The following ADHFE1 variants were observed in gnomAD, a reference collection of about 807,000 sequenced individuals.
ADHFE1 encodes alcohol dehydrogenase iron containing 1.
ADHFE1 carries 37 observed loss-of-function variants against 54.8 expected under a neutral mutation model. The ratio of observed to expected loss-of-function variants is 0.68; its 90% CI spans 0.52 to 0.89. ADHFE1 has a LOEUF of 0.89. Ranked by LOEUF, ADHFE1 falls within the 40% of genes least tolerant of loss-of-function variation. The probability of loss-of-function intolerance (pLI) is 0.00; values close to 1 mark genes in which losing one functional copy is unlikely to be tolerated. For synonymous variants in ADHFE1, 203 were observed against 229.3 expected, an observed-to-expected ratio of 0.89 and a Z score of 1.04; for missense variants, 601 against 591.2, an observed-to-expected ratio of 1.02 and a Z score of -0.17.
chr8:66,455,165 G>A (rs754857254), intron 10 of ADHFE1, among the ~76,000 whole-genome samples: 1 of 152,212 alleles, frequency 6.6e-6, no homozygotes, highest in Non-Finnish European at 1.5e-5. Flanking sequence ...GAATTGCTGG[G>A]TCATATGGTA....
Position 66,439,558 on chromosome 8 carries a change from G to A in ADHFE1, c.60-604G>A. 1.0e-6 allele frequency: 1 copy of A among 985,976 alleles called. No homozygotes were observed. Among genetic ancestry groups the A allele is most frequent in the Admixed American group, 6.1e-5 (1 of 16,290 alleles). The allele number at this position is 985,976 out of a possible 1,614,324, so 61.1% of individuals were successfully genotyped here. A position where few individuals can be genotyped will look rare whatever the true frequency, so the allele number is the denominator to read the frequency against. On this transcript the variant is annotated intron_variant, in intron 1 of 13. Transcript: ENST00000396623. This position sits in a 1 kb window ranked among gnomAD's most constrained non-coding sequence, Gnocchi z 4.4. ...CGCACCGGGTGTGCGCGCAGCTGGG[G>A]CCTCTGGGGAGCGGCGCGGCGGGGA... is the stretch of plus-strand genomic sequence containing the variant.
chr8:66,432,839 C>G (rs1298105833), intron 1 of ADHFE1: 1 of 1,221,518 alleles, frequency 8.2e-7, no homozygotes, highest in Admixed American at 4.3e-5. Flanking sequence ...GGACCTGGTC[C>G]CACATCGTAG....
Position 66,439,121 on chromosome 8 carries a change from C to G in ADHFE1, c.60-1041C>G. 1 of 927,238 alleles carries G rather than the reference C, an allele frequency of 1.1e-6. No homozygotes were observed. Among genetic ancestry groups the G allele is most frequent in the Non-Finnish European group, 1.3e-6 (1 of 776,922 alleles). The allele number at this position is 927,238 out of a possible 1,614,324, so 57.4% of individuals were successfully genotyped here. A position where few individuals can be genotyped will look rare whatever the true frequency, so the allele number is the denominator to read the frequency against. ...CAGCCGCGACTCGCGCCAGCTCTCA[C>G]TCGCCCCCGCGTCTGCTTTGACTTC... On this transcript the variant is annotated intron_variant, in intron 1 of 13. Coordinates refer to ENST00000396623, the MANE Select transcript of ADHFE1 (RefSeq NM_144650.3). This position sits in a 1 kb window ranked among gnomAD's most constrained non-coding sequence, Gnocchi z 4.4.
chr8:66,440,067 C>A, intron 1 of ADHFE1, 95 bp from the exon 2 acceptor site: 1 of 1,178,466 alleles, frequency 8.5e-7, no homozygotes, highest in Non-Finnish European at 1.2e-6. Flanking sequence ...AGCATCTTAG[C>A]ACTAGACTGC....
At chr8:66,460,698 A>G (rs1340656442) in intron 13 of ADHFE1, among the ~76,000 whole-genome samples, 2 of 152,344 alleles carry the variant, frequency 1.3e-5, no homozygotes, top group East Asian at 3.9e-4. Flanking sequence ...GAAAATTTTC[A>G]TGAAGGGATG....
chr8:66,460,380 T>C lies in ADHFE1; in HGVS notation c.1235T>C (p.Phe412Ser). The C allele has an allele frequency of 1.9e-6, 3 of 1,614,162 alleles. No homozygotes were observed. Among genetic ancestry groups the C allele is most frequent in the Non-Finnish European group, 2.5e-6 (3 of 1,180,004 alleles). ...GCAGACACGCTCCGGAAATTCTTAT[T>C]CGATCTGGATGTTGATGATGGCCTA... ...VLADTLRKFL[F>S]DLDVDDGLAA... is the part of the protein sequence containing the mutation. The change falls in exon 13 of 14, where the codon TTC becomes TCC. Residue 412 changes from phenylalanine (F) to serine (S), a missense_variant. Coordinates refer to ENST00000396623, the MANE Select transcript of ADHFE1 (RefSeq NM_144650.3).
intron 5 of ADHFE1, 42 bp from the exon 6 acceptor site, chr8:66,445,176 T>G: frequency 6.5e-7 from 1 of 1,528,794 alleles, no homozygotes; most frequent in East Asian, 2.3e-5. Context: ...AATTTATTTC[T>G]GAAAAATATA....
At chr8:66,452,521 G>A (rs753980782) in intron 9 of ADHFE1, among the ~76,000 whole-genome samples, 7 of 152,188 alleles carry the variant, frequency 4.6e-5, no homozygotes, top group Non-Finnish European at 8.8e-5. Flanking sequence ...GGGCACAATG[G>A]CTCACACCAG....
chr8:66,443,204 T>C (rs1805847250), intron 3 of ADHFE1, among the ~76,000 whole-genome samples: 1 of 151,280 alleles, frequency 6.6e-6, no homozygotes, highest in African/African-American at 2.4e-5. Flanking sequence ...TTTATCACAC[T>C]GTAATTACAT....
At position 66,441,682 on chromosome 8, in the gene ADHFE1, C is replaced by T. The variant is rs1312692860; in HGVS notation, c.98-1116C>T. Among the ~76,000 whole-genome samples, 3 of 152,178 alleles carry T rather than the reference C, an allele frequency of 2.0e-5. No homozygotes were observed. The South Asian group carries it at 6.2e-4, about 32-fold the overall frequency. ...ACCATAATTAAAACCTAATCCTTTG[C>T]AAGGAAATAGCACCTTATAAAAATG... On this transcript the variant is annotated intron_variant, in intron 2 of 13. Coordinates refer to ENST00000396623, the MANE Select transcript of ADHFE1 (RefSeq NM_144650.3).
chr8:66,462,619 G>C (rs1485412224), intron 13 of ADHFE1, among the ~76,000 whole-genome samples: 1 of 152,214 alleles, frequency 6.6e-6, no homozygotes, highest in African/African-American at 2.4e-5. Context: ...CACCCTGCAA[G>C]GGGCCTTCCA....
intron 9 of ADHFE1, among the ~76,000 whole-genome samples, chr8:66,453,353 GA>G (rs1386367074): frequency 2.6e-5 from 4 of 152,164 alleles, no homozygotes; most frequent in Non-Finnish European, 5.9e-5. Flanking sequence ...TTCACCACAG[GA>G]ACTCTTACGC....
Position 66,439,218 on chromosome 8 carries a change from C to T in ADHFE1, c.60-944C>T, listed in dbSNP as rs1805622183. On this transcript the variant is annotated intron_variant, in intron 1 of 13. Coordinates refer to ENST00000396623, the MANE Select transcript of ADHFE1 (RefSeq NM_144650.3). This position sits in a 1 kb window ranked among gnomAD's most constrained non-coding sequence, Gnocchi z 4.4. ...TTCCTTCCTCCCCAACCTTCCCCCTCGGGTGTTTTAATTCCAGATTTGAAT... is the reference window on the plus strand; with the variant it reads ...TTCCTTCCTCCCCAACCTTCCCCCTTGGGTGTTTTAATTCCAGATTTGAAT... 1.0e-6 allele frequency: 1 copy of T among 985,482 alleles called. No individual in the cohort carries two copies. The highest frequency in any genetic ancestry group is 4.7e-5 in the South Asian group (1 of 21,272). The allele number at this position is 985,482 out of a possible 1,614,324, so 61.0% of individuals were successfully genotyped here.
At chr8:66,453,854 C>G in intron 9 of ADHFE1, 2 of 1,506,222 alleles carry the variant, frequency 1.3e-6, no homozygotes, top group Non-Finnish European at 1.8e-6. Flanking sequence ...TTTATTATGC[C>G]TTTGCTGAAA....
Position 66,468,480 on chromosome 8 carries a change from A to C in ADHFE1, c.*128A>C. 1.6e-6 allele frequency: 1 copy of C among 644,420 alleles called. No individual in the cohort carries two copies. Among genetic ancestry groups the C allele is most frequent in the Non-Finnish European group, 2.4e-6 (1 of 410,086 alleles). The allele number at this position is 644,420 out of a possible 1,614,324, so 39.9% of individuals were successfully genotyped here. A position where few individuals can be genotyped will look rare whatever the true frequency, so the allele number is the denominator to read the frequency against. ...TGTTACCAGTATAGGTGGGATATAC[A>C]TTTATCTTGCAGGAAATTCCCCAAA... On this transcript the variant is annotated 3_prime_UTR_variant, in exon 14 of 14. Coordinates refer to ENST00000396623, the MANE Select transcript of ADHFE1 (RefSeq NM_144650.3).
intron 3 of ADHFE1, among the ~76,000 whole-genome samples, chr8:66,443,264 ATTTTTTTTTTTTT>A (rs540464621): frequency 3.8e-4 from 33 of 86,102 alleles, no homozygotes; most frequent in African/African-American, 6.6e-4. Context: ...TAGTCCAGGA[ATTTTTTTTTTTTT>A]TTTTTTTTTT....
intron 13 of ADHFE1, 81 bp from the exon 14 acceptor site, chr8:66,468,188 C>T: frequency 2.9e-6 from 3 of 1,035,252 alleles, no homozygotes; most frequent in Non-Finnish European, 1.4e-6. Flanking sequence ...TTCTTATGAC[C>T]AAGTTAATTT....
intron 13 of ADHFE1, among the ~76,000 whole-genome samples, chr8:66,465,284 GA>G (rs1445773570): frequency 2.6e-5 from 4 of 152,066 alleles, no homozygotes; most frequent in Non-Finnish European, 2.9e-5. Flanking sequence ...ACTTTCTGAG[GA>G]ACTGCTAAAC....
intron 10 of ADHFE1, 115 bp downstream of exon 10, chr8:66,454,272 T>C (rs1806456572): frequency 5.1e-6 from 5 of 987,190 alleles, no homozygotes; most frequent in Admixed American, 2.7e-5. Flanking sequence ...GGAAGAAATT[T>C]AACTTTATGT....
Sources: allele counts gnomAD v4.1 joint callset (sites outside exome capture counted in the v4.1 genomes callset), GRCh38; gene constraint gnomAD v4.1.1; non-coding constraint Gnocchi (gnomAD v3.1); transcripts MANE v1.5; gene names NCBI Gene and HGNC (gene_info 2026-07-23, HGNC 2026-07-21).